The following ALDH9A1 variants were observed in gnomAD, a reference collection of about 807,000 sequenced individuals.
ALDH9A1 encodes aldehyde dehydrogenase 9 family member A1.
In ALDH9A1, 42 loss-of-function variants were observed where a neutral mutation model predicts 56.6. The observed-to-expected ratio is 0.74, with a 90% CI of 0.58 to 0.96. The LOEUF is 0.96. Ranked by LOEUF, ALDH9A1 falls within the 40% of genes least tolerant of loss-of-function variation. The probability of loss-of-function intolerance (pLI) is 0.00; values close to 1 mark genes in which losing one functional copy is unlikely to be tolerated. For synonymous variants in ALDH9A1, 242 were observed against 236.0 expected, an observed-to-expected ratio of 1.03 and a Z score of -0.23; for missense variants, 661 against 651.5, an observed-to-expected ratio of 1.01 and a Z score of -0.16.
At chr1:165,687,610 C>T (rs1462694966) in intron 2 of ALDH9A1, among the ~76,000 whole-genome samples, 1 of 152,140 alleles carries the variant, frequency 6.6e-6, no homozygotes. Context: ...TATTTACCTA[C>T]AATTCATTCA....
chr1:165,668,828 C>A, intron 8 of ALDH9A1, 98 bp downstream of exon 8: 2 of 981,130 alleles, frequency 2.0e-6, no homozygotes, highest in East Asian at 2.7e-5. Flanking sequence ...AATTTGCCAG[C>A]CCTTGCTTTA....
chr1:165,683,173 C>G (rs1024879871), intron 2 of ALDH9A1, 63 bp from the exon 3 acceptor site: 66 of 1,532,606 alleles, frequency 4.3e-5, no homozygotes, highest in Middle Eastern at 1.7e-4. Flanking sequence ...GTAATTAATG[C>G]TTAAATAGAA....
chr1:165,680,802 C>T (rs1211299670), intron 4 of ALDH9A1, 119 bp from the exon 5 acceptor site: 1 of 962,618 alleles, frequency 1.0e-6, no homozygotes, highest in Non-Finnish European at 1.5e-6. Flanking sequence ...CAACCAAATC[C>T]TACATCAAAA....
In ALDH9A1 at chr1:165,682,194, C is replaced by T. The variant is rs764369877; in HGVS notation, c.505G>A (p.Glu169Lys). 6.2e-7 allele frequency: 1 copy of T among 1,613,940 alleles called. No individual in the cohort carries two copies. Among genetic ancestry groups the T allele is most frequent in the Non-Finnish European group, 8.5e-7 (1 of 1,179,882 alleles). The stretch of plus-strand genomic sequence containing the variant: ...ATTCCCACACATACCCCAAGTGGTT[C>T]TCTTCTGGTATAACCAAACGATCCA... ...PGGSFGYTRR[E>K]PLGVCVGIGA... The change falls in exon 4 of 11, where the codon GAA becomes AAA. Residue 169 changes from glutamate (E) to lysine (K), a missense_variant. By Grantham distance (56) the Glu-to-Lys change is moderately conservative (BLOSUM62 1). Coordinates refer to ENST00000354775, the MANE Select transcript of ALDH9A1 (RefSeq NM_000696.4).
chr1:165,671,263 A>G (rs1649169811), intron 6 of ALDH9A1: 1 of 234,436 alleles, frequency 4.3e-6, no homozygotes, highest in Admixed American at 5.0e-5. Context: ...ATCATGGGTC[A>G]CATGCACGCT....
At chr1:165,698,291 C>A in intron 1 of ALDH9A1, 87 bp downstream of exon 1, 1 of 1,508,924 alleles carries the variant, frequency 6.6e-7, no homozygotes. Context: ...CAAGTCAACG[C>A]TGCAGAACAC....
Position 165,672,923 on chromosome 1 carries a change from T to G in ALDH9A1, c.931-3473A>C, listed in dbSNP as rs1171351244. On this transcript the variant is annotated intron_variant, in intron 6 of 10. Coordinates refer to ENST00000354775, the MANE Select transcript of ALDH9A1 (RefSeq NM_000696.4). ...CTGTACTCCAGCCTGAGCAACAGAGTAAGATCCTGTCTCCAAAAAATAAAA... is the reference window on the plus strand; with the variant it reads ...CTGTACTCCAGCCTGAGCAACAGAGGAAGATCCTGTCTCCAAAAAATAAAA... Among the ~76,000 whole-genome samples the G allele has an allele frequency of 3.5e-5, 5 of 144,370 alleles. No individual in the cohort carries two copies. The Admixed American group carries it at 3.5e-4, about 10-fold the overall frequency. 94.7% of individuals were successfully genotyped at this position (144,370 alleles called of 152,430 possible).
chr1:165,668,934 C>T lies in ALDH9A1; in HGVS notation c.1199G>A (p.Cys400Tyr), dbSNP rs527499981. ...ACAAAAAGAGGACATACTTAATACA[C>T]AAGGTCTCATGTAATATCCATCCTT... is the stretch of plus-strand genomic sequence containing the variant. ...KLKDGYYMRP[C>Y]VLTNCRDDMT... Residue 400 changes from cysteine to tyrosine, a missense_variant, in exon 8 of 11, where the codon TGT becomes TAT. Coordinates refer to ENST00000354775, the MANE Select transcript of ALDH9A1 (RefSeq NM_000696.4). 3 of 1,593,250 alleles carry T rather than the reference C, an allele frequency of 1.9e-6. No individual in the cohort carries two copies. Among genetic ancestry groups the T allele is most frequent in the African/African-American group, 1.3e-5 (1 of 74,526 alleles).
intron 10 of ALDH9A1, among the ~76,000 whole-genome samples, chr1:165,664,065 C>T (rs189601588): frequency 6.6e-6 from 1 of 152,318 alleles, no homozygotes; most frequent in East Asian, 1.9e-4. Flanking sequence ...TTATATGTTA[C>T]ATGTTAATAA....
At chr1:165,692,052 A>G (rs1361338953) in intron 2 of ALDH9A1, among the ~76,000 whole-genome samples, 3 of 152,246 alleles carry the variant, frequency 2.0e-5, no homozygotes, top group African/African-American at 7.2e-5. Context: ...TATACTAGGT[A>G]TTGATGGGAC....
intron 2 of ALDH9A1, among the ~76,000 whole-genome samples, chr1:165,689,201 G>A (rs1260995853): frequency 1.1e-4 from 16 of 152,128 alleles, no homozygotes; most frequent in Admixed American, 6.5e-4. Flanking sequence ...AAAATACTTC[G>A]TTGGGAGAAA....
rs1282191817 is a variant in ALDH9A1, at chr1:165,698,382, T to C, written c.177A>G (p.Ala59=). 6.3e-7 allele frequency: 1 copy of C among 1,591,442 alleles called. No homozygotes were observed. The highest frequency in any genetic ancestry group is 1.4e-5 in the African/African-American group (1 of 73,190). Residue 59 remains alanine, a synonymous_variant, in exon 1 of 11, where the codon GCA becomes GCG. Transcript: ENST00000354775. ...TCCCCGGCTCGTTGCAGTTACCGGT[T>C]GCTGGCTCGAAAGCTTTCTCGGTAC... ...ASGTEKAFEP[A]TGRVIATFTC... is the part of the protein sequence containing the mutation.
intron 4 of ALDH9A1, among the ~76,000 whole-genome samples, chr1:165,680,951 T>G (rs539959560): frequency 3.9e-5 from 6 of 152,196 alleles, no homozygotes; most frequent in East Asian, 3.9e-4. Flanking sequence ...GAGGTGAAAG[T>G]CACTTCTTAC....
chr1:165,670,393 C>T (rs1890080), intron 6 of ALDH9A1, among the ~76,000 whole-genome samples: 7,423 of 151,348 alleles, frequency 0.049, 247 homozygotes, highest in Admixed American at 0.077. Flanking sequence ...ACCCTGACTG[C>T]GTCACTGCAC....
At position 165,682,094 on chromosome 1, in the gene ALDH9A1, A is replaced by G; in HGVS notation, c.592+13T>C. The G allele has an allele frequency of 6.2e-7, 1 of 1,613,638 alleles. No individual in the cohort carries two copies. The highest frequency in any genetic ancestry group is 8.5e-7 in the Non-Finnish European group (1 of 1,179,740). On this transcript the variant is annotated intron_variant, in intron 4 of 10. Coordinates refer to ENST00000354775, the MANE Select transcript of ALDH9A1 (RefSeq NM_000696.4). ...ACGAATGGCTCTCAAATGGAGGGAT[A>G]ATTCATTCTTACCACAGGCTAATGC... is the stretch of plus-strand genomic sequence containing the variant.
intron 9 of ALDH9A1, 123 bp from the exon 10 acceptor site, chr1:165,665,253 G>T: frequency 1.3e-6 from 1 of 782,590 alleles, no homozygotes; most frequent in Non-Finnish European, 2.0e-6. Flanking sequence ...TCTTCAAAAT[G>T]TTTTAAAATC....
rs1571174870 is a variant in ALDH9A1 at position 165,679,499 on chromosome 1, A to G, written c.873T>C (p.Cys291=). ...CCCCCTTTACAGCATTGTTCATATC[A>G]CAGTCTGAGAAGATGATGAGTGGAG... ...GKSPLIIFSD[C]DMNNAVKGAL... The change falls in exon 6 of 11, where the codon TGT becomes TGC. Residue 291 remains cysteine, a synonymous_variant. Coordinates refer to ENST00000354775, the MANE Select transcript of ALDH9A1 (RefSeq NM_000696.4). 3 of 1,614,002 alleles carry G rather than the reference A, an allele frequency of 1.9e-6. No homozygotes were observed. Among genetic ancestry groups the G allele is most frequent in the East Asian group, 2.2e-5 (1 of 44,880 alleles).
intron 1 of ALDH9A1, among the ~76,000 whole-genome samples, chr1:165,697,642 G>T (rs1650131777): frequency 6.6e-6 from 1 of 152,152 alleles, no homozygotes; most frequent in South Asian, 2.1e-4. Flanking sequence ...CAGCACAAAT[G>T]ATTATCTTCC....
At chr1:165,682,861 G>T in intron 3 of ALDH9A1, 120 bp downstream of exon 3, 1 of 1,179,832 alleles carries the variant, frequency 8.5e-7, no homozygotes, top group Non-Finnish European at 1.2e-6. Context: ...CAGGTAGAAA[G>T]TGACAAACCC....
Sources: allele counts gnomAD v4.1 joint callset (sites outside exome capture counted in the v4.1 genomes callset), GRCh38; gene constraint gnomAD v4.1.1; transcripts MANE v1.5; gene names NCBI Gene and HGNC (gene_info 2026-07-23, HGNC 2026-07-21).